Variants in RETREG3 observed in about 807,000 individuals in gnomAD.
RETREG3 encodes the protein reticulophagy regulator family member 3.
In RETREG3, 23 loss-of-function variants were observed where a neutral mutation model predicts 50.2. The ratio of observed to expected loss-of-function variants is 0.46; its 90% CI spans 0.33 to 0.65. The LOEUF (loss-of-function observed/expected upper bound fraction) is 0.65, where lower values mean the gene tolerates loss of function less well. Among genes scored for constraint, RETREG3 ranks in the 30% least tolerant of loss-of-function variants. RETREG3 has a pLI of 0.02. For missense variants in RETREG3, 546 were observed against 598.0 expected, an observed-to-expected ratio of 0.91 and a Z score of 0.91; for synonymous variants, 240 against 234.4, an observed-to-expected ratio of 1.02 and a Z score of -0.22.
At chr17:42,606,073 A>T (rs182256609) in intron 1 of RETREG3, among the ~76,000 whole-genome samples, 2 of 152,032 alleles carry the variant, frequency 1.3e-5, no homozygotes, top group African/African-American at 4.8e-5. Context: ...TGGGACTGTA[A>T]CAAGAGTAAC....
At chr17:42,609,026 G>A (rs576542266) in intron 1 of RETREG3, 60 bp downstream of exon 1, 1 of 1,523,854 alleles carries the variant, frequency 6.6e-7, no homozygotes, top group Non-Finnish European at 8.9e-7. Flanking sequence ...GAGAAGTAGA[G>A]CCCTAGAGGA....
intron 1 of RETREG3, among the ~76,000 whole-genome samples, chr17:42,600,624 T>G (rs1205691135): frequency 4.6e-5 from 7 of 152,170 alleles, no homozygotes; most frequent in African/African-American, 1.7e-4. Context: ...GGCCAGGAAT[T>G]GAAAAAAATA....
intron 1 of RETREG3, chr17:42,605,289 T>C (rs1217467036): frequency 6.6e-6 from 1 of 151,778 alleles, no homozygotes; most frequent in Non-Finnish European, 1.5e-5. Context: ...TATCTCCTAA[T>C]ACCTCAAAAT....
intron 1 of RETREG3, among the ~76,000 whole-genome samples, chr17:42,598,459 C>T (rs1182284068): frequency 2.0e-5 from 3 of 152,086 alleles, no homozygotes; most frequent in African/African-American, 7.2e-5. Flanking sequence ...GGATGAAATC[C>T]CATTACCCCG....
intron 2 of RETREG3, among the ~76,000 whole-genome samples, chr17:42,590,306 G>A (rs1181852562): frequency 6.6e-6 from 1 of 152,172 alleles, no homozygotes. Flanking sequence ...AGGGATTTGA[G>A]GTTGCAGTGA....
chr17:42,590,208 A>T (rs1379580956), intron 2 of RETREG3, among the ~76,000 whole-genome samples: 2 of 152,042 alleles, frequency 1.3e-5, no homozygotes, highest in Non-Finnish European at 2.9e-5. Flanking sequence ...TGTCTCAAAA[A>T]AAATTTTTTT....
Position 42,586,037 on chromosome 17 carries a change from T to G in RETREG3, c.589+16A>C. 6.2e-7 allele frequency: 1 copy of G among 1,612,668 alleles called. No homozygotes were observed. Among genetic ancestry groups the G allele is most frequent in the Non-Finnish European group, 8.5e-7 (1 of 1,178,992 alleles). On this transcript the variant is annotated intron_variant, in intron 5 of 8. Transcript: ENST00000309428. The stretch of plus-strand genomic sequence containing the variant: ...AGCAGGGTATACTTTGTAGGGGAGG[T>G]ATATGTCATACTTACGCATCAAGTA...
Position 42,609,130 on chromosome 17 carries a change from T to G in RETREG3, c.195A>C (p.Pro65=), listed in dbSNP as rs758308942. The stretch of plus-strand genomic sequence containing the variant: ...CCAGGCACCACAGAGCGCTCCTAGC[T>G]GGCCGCTCCCACACCAGGGCTGCCT... ...RVQAALVWER[P]ARSALWCLGL... Residue 65 remains proline, a synonymous_variant, in exon 1 of 9, where the codon CCA becomes CCC. Coordinates refer to ENST00000309428, the MANE Select transcript of RETREG3 (RefSeq NM_178126.4). 1 of 1,609,178 alleles carries G rather than the reference T, an allele frequency of 6.2e-7. No individual in the cohort carries two copies. The highest frequency in any genetic ancestry group is 1.3e-5 in the African/African-American group (1 of 74,894).
At chr17:42,587,738 CTG>C (rs2093124022) in intron 3 of RETREG3, 94 bp downstream of exon 3, 3 of 1,462,976 alleles carry the variant, frequency 2.1e-6, no homozygotes, top group East Asian at 2.3e-5. Flanking sequence ...TCAGTTTACA[CTG>C]TGTGTCCAGA....
rs146279736 is a variant in RETREG3 at position 42,582,089 on chromosome 17, G to T, written c.1125C>A (p.Asp375Glu). 1 of 1,614,084 alleles carries T rather than the reference G, an allele frequency of 6.2e-7. No individual in the cohort carries two copies. The highest frequency in any genetic ancestry group is 8.5e-7 in the Non-Finnish European group (1 of 1,180,022). Residue 375 changes from aspartate (D) to glutamate (E), a missense_variant, in exon 9 of 9, where the codon GAC becomes GAA. Coordinates refer to ENST00000309428, the MANE Select transcript of RETREG3 (RefSeq NM_178126.4). The stretch of plus-strand genomic sequence containing the variant: ...GCAGGAGCTCCGGCAGCGCAGCCTC[G>T]TCCCGGCTGGCAGGTGGGGCCTGGG... ...EEPQAPPASR[D>E]EAALPELLLG...
At chr17:42,600,255 C>T (rs1295509631) in intron 1 of RETREG3, among the ~76,000 whole-genome samples, 1 of 151,932 alleles carries the variant, frequency 6.6e-6, no homozygotes, top group East Asian at 1.9e-4. Context: ...TGGTGGTGCA[C>T]GCTTGTACTC....
In RETREG3 at chr17:42,592,826, C is replaced by T. The variant is rs561432650; in HGVS notation, c.240-664G>A. Among the ~76,000 whole-genome samples the T allele has an allele frequency of 1.1e-4, 16 of 152,136 alleles. No individual in the cohort carries two copies. The South Asian group carries it at 2.9e-3, about 28-fold the overall frequency. On this transcript the variant is annotated intron_variant, in intron 1 of 8. Coordinates refer to ENST00000309428, the MANE Select transcript of RETREG3 (RefSeq NM_178126.4). ...AATTAGCCGGGTGTGGTGGTGTGCA[C>T]CTGTAATCCCAGCTACCTGGGAGGC...
chr17:42,608,917 A>G (rs2143442468), intron 1 of RETREG3, 169 bp downstream of exon 1: 1 of 643,782 alleles, frequency 1.6e-6, no homozygotes, highest in Non-Finnish European at 2.6e-6. Flanking sequence ...GGGAAGAACT[A>G]GGGTGCCGAA....
In RETREG3 at chr17:42,588,908, T is replaced by C. The variant is rs192932353; in HGVS notation, c.347-1044A>G. 5.0e-3 allele frequency among the ~76,000 whole-genome samples: 764 copies of C among 152,284 alleles called. 3 individuals are homozygous for C. The highest frequency in any genetic ancestry group is 8.0e-3 in the Non-Finnish European group (545 of 68,010). ...CTGACTTCAGGTGATCCACCCACCA[T>C]AGCCTCCCTAAAGTGCTGGAATTAC... On this transcript the variant is annotated intron_variant, in intron 2 of 8. Transcript: ENST00000309428.
chr17:42,595,248 T>C (rs977819230), intron 1 of RETREG3, among the ~76,000 whole-genome samples: 1 of 152,064 alleles, frequency 6.6e-6, no homozygotes, highest in Non-Finnish European at 1.5e-5. Context: ...ATTACAGGCA[T>C]GAGCCACTGC....
chr17:42,607,371 G>A (rs1008429632), intron 1 of RETREG3, among the ~76,000 whole-genome samples: 2 of 151,682 alleles, frequency 1.3e-5, no homozygotes, highest in African/African-American at 4.8e-5. Flanking sequence ...ATGATGATGT[G>A]CACCTCTGGT....
At chr17:42,606,346 G>A (rs2093167739) in intron 1 of RETREG3, among the ~76,000 whole-genome samples, 1 of 152,096 alleles carries the variant, frequency 6.6e-6, no homozygotes, top group Admixed American at 6.6e-5. Flanking sequence ...TCTCAGACAA[G>A]CGGCAGAAGA....
chr17:42,596,584 T>C (rs1218697357), intron 1 of RETREG3: 2 of 152,024 alleles, frequency 1.3e-5, no homozygotes, highest in African/African-American at 2.4e-5. Flanking sequence ...TCCATCCACA[T>C]AGTTGCAAAG....
At chr17:42,588,141 CAAGAAA>C (rs1225788549) in intron 2 of RETREG3, among the ~76,000 whole-genome samples, 1 of 152,114 alleles carries the variant, frequency 6.6e-6, no homozygotes, top group Non-Finnish European at 1.5e-5. Flanking sequence ...CCAAGGTGTA[CAAGAAA>C]AATGGTCCAT....
Sources: allele counts gnomAD v4.1 joint callset (sites outside exome capture counted in the v4.1 genomes callset), GRCh38; gene constraint gnomAD v4.1.1; transcripts MANE v1.5; gene names NCBI Gene and HGNC (gene_info 2026-07-23, HGNC 2026-07-21).